The following PHACTR2 variants were observed in gnomAD, a reference collection of about 807,000 sequenced individuals.
PHACTR2 encodes the protein phosphatase and actin regulator 2.
PHACTR2 carries 30 observed loss-of-function variants against 76.0 expected under a neutral mutation model. The ratio of observed to expected loss-of-function variants is 0.39; its 90% CI spans 0.30 to 0.54. PHACTR2 has a LOEUF of 0.54. Ranked by LOEUF, PHACTR2 falls within the 20% of genes least tolerant of loss-of-function variation. The pLI is 0.61. For synonymous variants in PHACTR2, 292 were observed against 292.5 expected (o/e 1.00, Z 0.02); for missense variants, 696 against 781.1 (o/e 0.89, Z 1.30).
intron 1 of PHACTR2, among the ~76,000 whole-genome samples, chr6:143,560,597 C>A (rs999180439): frequency 3.9e-5 from 6 of 152,126 alleles, no homozygotes; most frequent in African/African-American, 1.4e-4. Flanking sequence ...TGTAAACAGA[C>A]CTTTGACTAG....
At chr6:143,714,595 C>G (rs1210639410) in intron 2 of PHACTR2, among the ~76,000 whole-genome samples, 2 of 152,192 alleles carry the variant, frequency 1.3e-5, no homozygotes, top group East Asian at 3.9e-4. Flanking sequence ...GCTTCCAGTT[C>G]TCTGGCCTTG....
rs1776660651 is a variant in PHACTR2, at chr6:143,646,414, C to T, written c.13+38092C>T. 4.6e-5 allele frequency among the ~76,000 whole-genome samples: 7 copies of T among 152,104 alleles called. No individual in the cohort carries two copies. Among genetic ancestry groups the T allele is most frequent in the Admixed American group, 4.6e-4 (7 of 15,268 alleles). On this transcript the variant is annotated intron_variant, in intron 1 of 11. Transcript: ENST00000305766. The surrounding 1 kb of genome is among the most constrained non-coding windows in gnomAD (Gnocchi z 4.1). The stretch of plus-strand genomic sequence containing the variant: ...ACTAAATTCAGTAGCTCTCAAATAT[C>T]CATAGTATGAGTGACAGACCTGTAA...
In PHACTR2 at chr6:143,570,932, T is replaced by C. The variant is rs1775439575; in HGVS notation, c.217+33725T>C. On this transcript the variant is annotated intron_variant, in intron 1 of 11. Transcript: ENST00000367584. This position sits in a 1 kb window ranked among gnomAD's most constrained non-coding sequence, Gnocchi z 4.6. Reference sequence around the variant, plus strand: ...CTCTGCAAGTGGTGATCGATGTTTATCAAATGCCCCTGAGACTCGAAGACG... The same window carrying C: ...CTCTGCAAGTGGTGATCGATGTTTACCAAATGCCCCTGAGACTCGAAGACG... Among the ~76,000 whole-genome samples the C allele has an allele frequency of 6.6e-6, 1 of 152,178 alleles. No homozygotes were observed. Among genetic ancestry groups the C allele is most frequent in the Admixed American group, 6.5e-5 (1 of 15,278 alleles).
chr6:143,822,603 G>T lies in PHACTR2; in HGVS notation c.1923-1071G>T, dbSNP rs1260985805. ...AACAGTGAGGAGCATAGATTTGATG[G>T]AGAGAGCCTGGGACAGGGAAACCAA... is the stretch of plus-strand genomic sequence containing the variant. On this transcript the variant is annotated intron_variant, in intron 12 of 12. Transcript: ENST00000440869. This position sits in a 1 kb window ranked among gnomAD's most constrained non-coding sequence, Gnocchi z 5.5. Among the ~76,000 whole-genome samples, 1 of 152,192 alleles carries T rather than the reference G, an allele frequency of 6.6e-6. No individual in the cohort carries two copies. The highest frequency in any genetic ancestry group is 2.4e-5 in the African/African-American group (1 of 41,444).
Position 143,807,747 on chromosome 6 carries a change from G to A in PHACTR2, c.1922+614G>A, listed in dbSNP as rs924723723. On this transcript the variant is annotated intron_variant, in intron 12 of 12. Coordinates refer to ENST00000440869, the MANE Select transcript of PHACTR2 (RefSeq NM_001100164.2). This position sits in a 1 kb window ranked among gnomAD's most constrained non-coding sequence, Gnocchi z 5.5. ...GATTTTACTGGTGACGAAGGAGATC[G>A]CTATCATCTTACCATTTTTCCCTCA... 8.5e-5 allele frequency among the ~76,000 whole-genome samples: 13 copies of A among 152,260 alleles called. No homozygotes were observed. The highest frequency in any genetic ancestry group is 3.9e-4 in the East Asian group (2 of 5,186).
rs909442274 is a variant in PHACTR2, at chr6:143,679,497, T to C, written c.46+1288T>C. On this transcript the variant is annotated intron_variant, in intron 1 of 12. Transcript: ENST00000440869. This position sits in a 1 kb window ranked among gnomAD's most constrained non-coding sequence, Gnocchi z 4.6. ...AAATAAGACTTGGTTTCCTTTGTCT[T>C]ACCTTAAAGTGGTGTGAGACTTCTT... Among the ~76,000 whole-genome samples, 1 of 152,222 alleles carries C rather than the reference T, an allele frequency of 6.6e-6. No individual in the cohort carries two copies. Among genetic ancestry groups the C allele is most frequent in the Non-Finnish European group, 1.5e-5 (1 of 68,032 alleles).
At chr6:143,713,723 C>A (rs1210679858) in intron 2 of PHACTR2, among the ~76,000 whole-genome samples, 1 of 152,178 alleles carries the variant, frequency 6.6e-6, no homozygotes, top group Non-Finnish European at 1.5e-5. Context: ...CAGAGACACC[C>A]TTACACCCTT....
chr6:143,785,659 C>A (rs1007468576), intron 10 of PHACTR2, among the ~76,000 whole-genome samples: 5 of 152,178 alleles, frequency 3.3e-5, no homozygotes, highest in African/African-American at 9.6e-5. Flanking sequence ...CACCCCCAAC[C>A]CTGCCCATGG....
At chr6:143,568,626 C>T (rs1053703223) in intron 1 of PHACTR2, among the ~76,000 whole-genome samples, 4 of 152,184 alleles carry the variant, frequency 2.6e-5, no homozygotes, top group Admixed American at 1.3e-4. Flanking sequence ...AGAACTGTAA[C>T]TCTGGTTTCT....
chr6:143,639,933 A>G lies in PHACTR2; in HGVS notation c.13+31611A>G, dbSNP rs977482847. Among the ~76,000 whole-genome samples the G allele has an allele frequency of 6.6e-6, 1 of 152,202 alleles. No homozygotes were observed. Among genetic ancestry groups the G allele is most frequent in the Non-Finnish European group, 1.5e-5 (1 of 68,022 alleles). ...CTAGCCTCCAGAAGCTGGAGGAAGC[A>G]AGGAATAACAACTTGTTATTAATAG... On this transcript the variant is annotated intron_variant, in intron 1 of 11. Transcript: ENST00000305766. The surrounding 1 kb of genome is among the most constrained non-coding windows in gnomAD (Gnocchi z 5.0).
Position 143,553,791 on chromosome 6 carries a change from G to C in PHACTR2, c.217+16584G>C. On this transcript the variant is annotated intron_variant, in intron 1 of 11. Coordinates refer to the PHACTR2 transcript ENST00000367584. This position sits in a 1 kb window ranked among gnomAD's most constrained non-coding sequence, Gnocchi z 4.2. ...CAAACTAAATAAACAATATTAGATG[G>C]TGATTACAAAGCAGAGGAAGGGTAT... 6.6e-6 allele frequency among the ~76,000 whole-genome samples: 1 copy of C among 152,200 alleles called. No individual in the cohort carries two copies. Among genetic ancestry groups the C allele is most frequent in the Non-Finnish European group, 1.5e-5 (1 of 68,026 alleles).
chr6:143,702,773 C>CTTTTTTTTT lies in PHACTR2; in HGVS notation c.47-9225_47-9217dup, dbSNP rs1190039194. Among the ~76,000 whole-genome samples, 55 of 100,124 alleles carry CTTTTTTTTT rather than the reference C, an allele frequency of 5.5e-4. 1 individual carries two copies. Among genetic ancestry groups the CTTTTTTTTT allele is most frequent in the Admixed American group, 9.4e-4 (8 of 8,518 alleles). The allele number at this position is 100,124 out of a possible 152,430, so 65.7% of individuals were successfully genotyped here. ...ATGCATTGTAAGAATATATATACAA[C>CTTTTTTTTT]TTTTTTTTTTTTTTTTTTTTTTTTT... On this transcript the variant is annotated intron_variant, in intron 1 of 12. Coordinates refer to ENST00000440869, the MANE Select transcript of PHACTR2 (RefSeq NM_001100164.2).
chr6:143,615,946 T>C (rs1031284857), intron 1 of PHACTR2, among the ~76,000 whole-genome samples: 4 of 152,180 alleles, frequency 2.6e-5, no homozygotes, highest in Non-Finnish European at 5.9e-5. Context: ...TGTGAACCAG[T>C]ACAAGATTTG....
At chr6:143,609,894 G>A (rs1451143405) in intron 1 of PHACTR2, among the ~76,000 whole-genome samples, 1 of 152,152 alleles carries the variant, frequency 6.6e-6, no homozygotes, top group African/African-American at 2.4e-5. Context: ...TTTGGGGGAT[G>A]TTTTCACAAT....
intron 1 of PHACTR2, among the ~76,000 whole-genome samples, chr6:143,584,510 T>G (rs1299533813): frequency 3.9e-5 from 6 of 152,200 alleles, no homozygotes; most frequent in Admixed American, 6.5e-5. Flanking sequence ...CAGAACAGGC[T>G]GCCTTTACTG....
intron 12 of PHACTR2, among the ~76,000 whole-genome samples, chr6:143,813,364 A>G (rs1301679490): frequency 6.6e-6 from 1 of 152,182 alleles, no homozygotes; most frequent in Non-Finnish European, 1.5e-5. Flanking sequence ...TCACGCCTGT[A>G]ATCCCAGCAC....
intron 1 of PHACTR2, among the ~76,000 whole-genome samples, chr6:143,579,650 A>G (rs1014193266): frequency 3.3e-5 from 5 of 152,200 alleles, no homozygotes; most frequent in Admixed American, 6.5e-5. Context: ...AGGTGAGCGG[A>G]AGGGGCCTCT....
chr6:143,724,151 T>A (rs1431530480), intron 2 of PHACTR2, among the ~76,000 whole-genome samples: 2 of 151,774 alleles, frequency 1.3e-5, no homozygotes, highest in African/African-American at 4.8e-5. Flanking sequence ...TTGTTGTTGT[T>A]TTGAGATGGA....
chr6:143,734,614 A>G (rs1031294184), intron 2 of PHACTR2, among the ~76,000 whole-genome samples: 1 of 152,234 alleles, frequency 6.6e-6, no homozygotes, highest in Non-Finnish European at 1.5e-5. Flanking sequence ...CACACATAGA[A>G]TGAATTGCAG....
Sources: allele counts gnomAD v4.1 joint callset (sites outside exome capture counted in the v4.1 genomes callset), GRCh38; gene constraint gnomAD v4.1.1; non-coding constraint Gnocchi (gnomAD v3.1); transcripts MANE v1.5; gene names NCBI Gene and HGNC (gene_info 2026-07-23, HGNC 2026-07-21).